The following XKR4 variants were observed in gnomAD, a reference collection of about 807,000 sequenced individuals.
The protein encoded by XKR4 is XK-related protein 4.
In XKR4, 12 loss-of-function variants were observed where a neutral mutation model predicts 53.9. That is an observed-to-expected ratio of 0.22 (90% CI 0.14 to 0.36). The LOEUF is 0.36. Among genes scored for constraint, XKR4 ranks in the 10% least tolerant of loss-of-function variants. The probability of loss-of-function intolerance (pLI) is 1.00; values close to 1 mark genes in which losing one functional copy is unlikely to be tolerated. For synonymous variants in XKR4, 354 were observed against 362.4 expected (o/e 0.98, Z 0.26); for missense variants, 799 against 859.5 (o/e 0.93, Z 0.88).
At chr8:55,385,639 C>T (rs1224392890) in intron 2 of XKR4, among the ~76,000 whole-genome samples, 2 of 152,168 alleles carry the variant, frequency 1.3e-5, no homozygotes, top group Admixed American at 6.5e-5. Flanking sequence ...ATAGAGCAGG[C>T]TTCCAAGAAA....
chr8:55,501,682 A>T (rs1430206085), intron 2 of XKR4, among the ~76,000 whole-genome samples: 2 of 94,290 alleles, frequency 2.1e-5, no homozygotes, highest in Non-Finnish European at 4.7e-5. Flanking sequence ...TTGTAAATAC[A>T]TACATATATA....
intron 1 of XKR4, among the ~76,000 whole-genome samples, chr8:55,110,382 T>C (rs1166721435): frequency 6.6e-6 from 1 of 152,176 alleles, no homozygotes; most frequent in Non-Finnish European, 1.5e-5. Flanking sequence ...GAAGTTAGTC[T>C]AGTGGTTGTG....
At chr8:55,362,155 C>G (rs1803917098) in intron 2 of XKR4, among the ~76,000 whole-genome samples, 1 of 152,146 alleles carries the variant, frequency 6.6e-6, no homozygotes. Flanking sequence ...TAGGCTTGAT[C>G]TTGCAGAAAT....
chr8:55,424,773 A>T (rs774210697), intron 2 of XKR4, among the ~76,000 whole-genome samples: 2 of 152,226 alleles, frequency 1.3e-5, no homozygotes, highest in African/African-American at 2.4e-5. Flanking sequence ...TGATGAATAG[A>T]GTTCAGTCCC....
intron 2 of XKR4, among the ~76,000 whole-genome samples, chr8:55,363,969 C>T (rs2129385091): frequency 6.6e-6 from 1 of 152,290 alleles, no homozygotes; most frequent in Non-Finnish European, 1.5e-5. Flanking sequence ...ATAAACAACA[C>T]GACAGAACAT....
chr8:55,154,607 AC>A (rs1816881128), intron 1 of XKR4, among the ~76,000 whole-genome samples: 1 of 152,158 alleles, frequency 6.6e-6, no homozygotes, highest in African/African-American at 2.4e-5. Flanking sequence ...TGGGCTTTAG[AC>A]TTTGACAACA....
chr8:55,377,970 C>T (rs1421214079), intron 2 of XKR4, among the ~76,000 whole-genome samples: 1 of 152,164 alleles, frequency 6.6e-6, no homozygotes, highest in Non-Finnish European at 1.5e-5. Context: ...AATACCTATT[C>T]GATGCTCGAG....
At chr8:55,276,005 T>C (rs556858749) in intron 1 of XKR4, among the ~76,000 whole-genome samples, 1 of 152,356 alleles carries the variant, frequency 6.6e-6, no homozygotes, top group South Asian at 2.1e-4. Context: ...ATGCCTTGTT[T>C]ACATATTAAC....
chr8:55,405,193 T>G (rs979202864), intron 2 of XKR4, among the ~76,000 whole-genome samples: 1 of 152,130 alleles, frequency 6.6e-6, no homozygotes, highest in Non-Finnish European at 1.5e-5. Context: ...TCTGTGGAAG[T>G]CAAGTCGTCA....
chr8:55,125,463 A>T (rs1183868597), intron 1 of XKR4, among the ~76,000 whole-genome samples: 1 of 152,070 alleles, frequency 6.6e-6, no homozygotes, highest in Non-Finnish European at 1.5e-5. Flanking sequence ...CAAACTCCCG[A>T]CCTCAGGTGA....
At chr8:55,194,809 T>C (rs1023149781) in intron 1 of XKR4, among the ~76,000 whole-genome samples, 1 of 152,164 alleles carries the variant, frequency 6.6e-6, no homozygotes, top group African/African-American at 2.4e-5. Context: ...AAGAAGTCAG[T>C]GGTATTAGTG....
chr8:55,311,092 A>G (rs1819381197), intron 1 of XKR4, among the ~76,000 whole-genome samples: 1 of 152,214 alleles, frequency 6.6e-6, no homozygotes, highest in Non-Finnish European at 1.5e-5. Flanking sequence ...GCCTGAGGGC[A>G]GCCTTCTGGC....
At chr8:55,183,145 C>A (rs1817336060) in intron 1 of XKR4, among the ~76,000 whole-genome samples, 1 of 151,686 alleles carries the variant, frequency 6.6e-6, no homozygotes, top group African/African-American at 2.4e-5. Context: ...TAGAGTTTAT[C>A]AATTTTATTG....
chr8:55,430,315 A>G (rs1350042600), intron 2 of XKR4, among the ~76,000 whole-genome samples: 1 of 152,232 alleles, frequency 6.6e-6, no homozygotes, highest in African/African-American at 2.4e-5. Flanking sequence ...ATGCTAGAGA[A>G]ATTAAAAATA....
Position 55,392,225 on chromosome 8 carries a change from G to T in XKR4, c.1006+34348G>T, listed in dbSNP as rs192146543. 7.9e-5 allele frequency among the ~76,000 whole-genome samples: 12 copies of T among 152,234 alleles called. No individual in the cohort carries two copies. In the East Asian group the frequency reaches 2.3e-3, roughly 29 times the overall value. Reference sequence around the variant, plus strand: ...ACACCAATAGTCCTGATTGTCAAATGCAGGCATCACTCACTACTGAGAGAG... The same window carrying T: ...ACACCAATAGTCCTGATTGTCAAATTCAGGCATCACTCACTACTGAGAGAG... On this transcript the variant is annotated intron_variant, in intron 2 of 2. Coordinates refer to ENST00000327381, the MANE Select transcript of XKR4 (RefSeq NM_052898.2).
intron 1 of XKR4, among the ~76,000 whole-genome samples, chr8:55,194,949 C>T (rs974243368): frequency 6.6e-6 from 1 of 152,072 alleles, no homozygotes; most frequent in Non-Finnish European, 1.5e-5. Context: ...AATTATATTC[C>T]ATGATAGATG....
At chr8:55,292,078 T>C (rs1048202648) in intron 1 of XKR4, among the ~76,000 whole-genome samples, 1 of 152,176 alleles carries the variant, frequency 6.6e-6, no homozygotes, top group Non-Finnish European at 1.5e-5. Context: ...ATTCTATTTG[T>C]GAATATTTTG....
intron 2 of XKR4, among the ~76,000 whole-genome samples, chr8:55,462,242 C>A (rs1302655705): frequency 5.9e-5 from 9 of 152,184 alleles, no homozygotes; most frequent in Admixed American, 1.3e-4. Flanking sequence ...GGGTTACCCA[C>A]AAAGGGAAGC....
At chr8:55,288,129 C>T (rs1056914349) in intron 1 of XKR4, among the ~76,000 whole-genome samples, 1 of 151,990 alleles carries the variant, frequency 6.6e-6, no homozygotes, top group Non-Finnish European at 1.5e-5. Flanking sequence ...CCAATGTGGC[C>T]CAGGGAAGCC....
Sources: allele counts gnomAD v4.1 joint callset (sites outside exome capture counted in the v4.1 genomes callset), GRCh38; gene constraint gnomAD v4.1.1; transcripts MANE v1.5; gene names NCBI Gene and HGNC (gene_info 2026-07-23, HGNC 2026-07-21).